KLHL18: variants seen among roughly 807,000 people sequenced by gnomAD.
KLHL18 encodes the protein kelch-like protein 18.
KLHL18 carries 38 observed loss-of-function variants against 58.5 expected under a neutral mutation model. The observed-to-expected ratio is 0.65, with a 90% CI of 0.50 to 0.85. The LOEUF is 0.85. Among genes scored for constraint, KLHL18 ranks in the 40% least tolerant of loss-of-function variants. KLHL18 has a pLI of 0.00. For missense variants in KLHL18, 624 were observed against 778.4 expected, an observed-to-expected ratio of 0.80 and a Z score of 2.36; for synonymous variants, 303 against 301.9, an observed-to-expected ratio of 1.00 and a Z score of -0.04.
chr3:47,313,598 A>G (rs1703356065), intron 1 of KLHL18, among the ~76,000 whole-genome samples: 1 of 152,208 alleles, frequency 6.6e-6, no homozygotes, highest in Non-Finnish European at 1.5e-5. Flanking sequence ...TGAAAGTACA[A>G]TATTGCAACT....
At chr3:47,316,719 ATG>A (rs781045860) in intron 1 of KLHL18, among the ~76,000 whole-genome samples, 2,177 of 6,480 alleles carry the variant, frequency 0.34, 62 homozygotes, top group Non-Finnish European at 0.46. Context: ...ATATATGTAT[ATG>A]TGTGTGTATA....
intron 1 of KLHL18, among the ~76,000 whole-genome samples, chr3:47,310,785 G>C (rs1703279968): frequency 6.6e-6 from 1 of 152,082 alleles, no homozygotes; most frequent in Non-Finnish European, 1.5e-5. Context: ...CAGTCACCAG[G>C]TCACAGCAGT....
At chr3:47,305,049 A>G (rs981368829) in intron 1 of KLHL18, among the ~76,000 whole-genome samples, 3 of 151,866 alleles carry the variant, frequency 2.0e-5, no homozygotes, top group Non-Finnish European at 2.9e-5. Flanking sequence ...AAAGAAAAAA[A>G]CCCATAATGT....
chr3:47,319,564 C>CG, intron 1 of KLHL18, 89 bp from the exon 2 acceptor site: 1 of 1,436,538 alleles, frequency 7.0e-7, no homozygotes, highest in South Asian at 1.3e-5. Context: ...GCTGTGGAGC[C>CG]GGGCGGAGGG....
chr3:47,333,133 C>A, intron 4 of KLHL18, 24 bp from the exon 5 acceptor site: 2 of 1,604,212 alleles, frequency 1.2e-6, no homozygotes. Context: ...GGATTTGCTG[C>A]CAGAACATCC....
intron 1 of KLHL18, among the ~76,000 whole-genome samples, chr3:47,301,043 C>A (rs968083798): frequency 3.3e-5 from 5 of 152,088 alleles, no homozygotes; most frequent in African/African-American, 1.2e-4. Context: ...AATATCTTTT[C>A]ATGTCTTTTG....
At chr3:47,307,843 T>C in intron 1 of KLHL18, among the ~76,000 whole-genome samples, 1 of 152,252 alleles carries the variant, frequency 6.6e-6, no homozygotes, top group East Asian at 1.9e-4. Flanking sequence ...ATTTCTGTCA[T>C]TTATCAAGTT....
chr3:47,290,097 G>C (rs533873791), intron 1 of KLHL18, among the ~76,000 whole-genome samples: 3 of 152,280 alleles, frequency 2.0e-5, no homozygotes, highest in African/African-American at 7.2e-5. Context: ...ATGGCACAAA[G>C]CTGTATCAGC....
At chr3:47,315,815 C>T (rs1703408649) in intron 1 of KLHL18, among the ~76,000 whole-genome samples, 1 of 152,180 alleles carries the variant, frequency 6.6e-6, no homozygotes, top group African/African-American at 2.4e-5. Context: ...AAAGTTGTAA[C>T]TATATACTGT....
chr3:47,295,403 TG>T (rs974822850), intron 1 of KLHL18, among the ~76,000 whole-genome samples: 17 of 152,220 alleles, frequency 1.1e-4, no homozygotes, highest in Admixed American at 6.5e-5. Flanking sequence ...TCCATGACTG[TG>T]TTCCCCCTCC....
intron 1 of KLHL18, among the ~76,000 whole-genome samples, chr3:47,302,423 T>G (rs912586872): frequency 1.3e-4 from 20 of 152,204 alleles, no homozygotes; most frequent in Non-Finnish European, 4.4e-5. Context: ...AGGCGGAGGT[T>G]GCAGTGAGCC....
intron 6 of KLHL18, among the ~76,000 whole-genome samples, chr3:47,335,823 T>C (rs62246467): frequency 0.017 from 2,613 of 152,110 alleles, 29 homozygotes; most frequent in Non-Finnish European, 0.028. Context: ...TTGTTTTTAA[T>C]TGAAGGTTAA....
chr3:47,292,832 G>C (rs1267720654), intron 1 of KLHL18, among the ~76,000 whole-genome samples: 1 of 151,376 alleles, frequency 6.6e-6, no homozygotes, highest in African/African-American at 2.4e-5. Context: ...CCTGAGCCCC[G>C]GGAGGTCAAG....
intron 1 of KLHL18, among the ~76,000 whole-genome samples, chr3:47,301,203 C>T (rs964097517): frequency 1.3e-5 from 2 of 151,490 alleles, no homozygotes; most frequent in African/African-American, 4.9e-5. Context: ...CTAACTGGTT[C>T]TTTCACAGAG....
chr3:47,309,748 G>A (rs1044159780), intron 1 of KLHL18, among the ~76,000 whole-genome samples: 9 of 152,194 alleles, frequency 5.9e-5, no homozygotes, highest in South Asian at 2.1e-4. Context: ...CTGCAATCCC[G>A]GCACCTCGGG....
At chr3:47,341,998 A>G (rs1485320350) in intron 8 of KLHL18, among the ~76,000 whole-genome samples, 1 of 151,782 alleles carries the variant, frequency 6.6e-6, no homozygotes, top group African/African-American at 2.4e-5. Context: ...AGGCAGGAAG[A>G]TTGCTTGATT....
At chr3:47,291,528 T>C (rs1443813041) in intron 1 of KLHL18, among the ~76,000 whole-genome samples, 1 of 152,240 alleles carries the variant, frequency 6.6e-6, no homozygotes, top group Non-Finnish European at 1.5e-5. Context: ...TTGCAGCTAC[T>C]TAACTCTGAT....
At chr3:47,316,529 GTATATATATACA>G (rs1559495532) in intron 1 of KLHL18, among the ~76,000 whole-genome samples, 1 of 6,550 alleles carries the variant, frequency 1.5e-4, no homozygotes, top group African/African-American at 2.9e-4. Context: ...ACATATATAT[GTATATATATACA>G]TATATACATA....
At chr3:47,298,185 G>T (rs1702935796) in intron 1 of KLHL18, among the ~76,000 whole-genome samples, 1 of 151,938 alleles carries the variant, frequency 6.6e-6, no homozygotes, top group Non-Finnish European at 1.5e-5. Flanking sequence ...TTCAAGACCA[G>T]CCTGGACAAC....
Sources: allele counts gnomAD v4.1 joint callset (sites outside exome capture counted in the v4.1 genomes callset), GRCh38; gene constraint gnomAD v4.1.1; transcripts MANE v1.5; gene names NCBI Gene and HGNC (gene_info 2026-07-23, HGNC 2026-07-21).